PAK3: variants seen among roughly 807,000 people sequenced by gnomAD.
PAK3 encodes p21 (RAC1) activated kinase 3.
In PAK3, 4 loss-of-function variants were observed where a neutral mutation model predicts 41.0. The ratio of observed to expected loss-of-function variants is 0.10; its 90% CI spans 0.05 to 0.22. PAK3 has a LOEUF of 0.22. Among genes scored for constraint, PAK3 ranks in the 10% least tolerant of loss-of-function variants. The pLI is 1.00. For missense variants in PAK3, 205 were observed against 409.9 expected, an observed-to-expected ratio of 0.50 and a Z score of 4.32; for synonymous variants, 146 against 139.6, an observed-to-expected ratio of 1.05 and a Z score of -0.32.
At chrX:110,988,032 G>A (rs2091578653) in intron 1 of PAK3, among the ~76,000 whole-genome samples, 1 of 112,800 alleles carries the variant, frequency 8.9e-6, no homozygotes, top group Non-Finnish European at 1.9e-5. Context: ...CTGGTGTGGA[G>A]TATGCATTTG....
At chrX:110,983,090 C>A (rs1395940671) in intron 1 of PAK3, among the ~76,000 whole-genome samples, 1 of 111,535 alleles carries the variant, frequency 9.0e-6, no homozygotes, top group Non-Finnish European at 1.9e-5. Context: ...CTCTGGGCAC[C>A]ACACTCCTAG....
rs2094880678 is a variant in PAK3 at position 111,216,468 on chromosome X, T to C, written c.1455T>C (p.Pro485=). 4 of 1,181,080 alleles carry C rather than the reference T, an allele frequency of 3.4e-6. No homozygotes were observed. Among genetic ancestry groups the C allele is most frequent in the Non-Finnish European group, 3.5e-6 (3 of 867,286 alleles). Residue 485 remains proline, a synonymous_variant, in exon 17 of 18, where the codon CCT becomes CCC. Coordinates refer to ENST00000372007, the MANE Select transcript of PAK3 (RefSeq NM_002578.5). ...ATNGTPELQN[P]ERLSAVFRDF... ...ATGGAACTCCAGAGCTCCAGAATCC[T>C]GAGAGACTGTCAGCTGTATTCCGTG...
At chrX:110,947,455 G>C (rs1054748316) in intron 1 of PAK3, among the ~76,000 whole-genome samples, 1 of 111,438 alleles carries the variant, frequency 9.0e-6, no homozygotes, top group African/African-American at 3.3e-5. Flanking sequence ...CTAGTTACTA[G>C]ACAGTGTTTT....
At chrX:110,955,416 C>T (rs770614378) in intron 1 of PAK3, among the ~76,000 whole-genome samples, 9 of 112,021 alleles carry the variant, frequency 8.0e-5, no homozygotes, top group Non-Finnish European at 1.3e-4. Context: ...GCACCCATTT[C>T]CTGCAATATC....
chrX:111,020,114 C>T (rs1340900069), intron 1 of PAK3, among the ~76,000 whole-genome samples: 1 of 112,320 alleles, frequency 8.9e-6, no homozygotes, highest in African/African-American at 3.2e-5. Context: ...GATATTTACA[C>T]ATCCATGTTC....
chrX:111,013,049 C>A (rs763202072), intron 1 of PAK3, among the ~76,000 whole-genome samples: 4 of 112,527 alleles, frequency 3.6e-5, no homozygotes, highest in African/African-American at 1.3e-4. Context: ...GGATTACAGG[C>A]GTGAGCCACT....
intron 16 of PAK3, among the ~76,000 whole-genome samples, chrX:111,198,297 T>A (rs1425646755): frequency 8.9e-6 from 1 of 112,683 alleles, no homozygotes; most frequent in Non-Finnish European, 1.9e-5. Context: ...CTATTGATAG[T>A]TTCTTTTGCT....
intron 11 of PAK3, 80 bp downstream of exon 11, chrX:111,173,161 T>C (rs1000285791): frequency 1.9e-6 from 1 of 538,496 alleles, no homozygotes; most frequent in African/African-American, 2.3e-5. Flanking sequence ...AGAGCTTGGG[T>C]TTCTGGTAAA....
chrX:111,220,574 A>G lies in PAK3; in HGVS notation c.*127A>G, dbSNP rs754606769. 9.1e-5 allele frequency: 47 copies of G among 516,714 alleles called. No homozygotes were observed. The highest frequency in any genetic ancestry group is 1.5e-4 in the Non-Finnish European group (43 of 287,799). The allele number at this position is 516,714 out of a possible 1,213,427, so 42.6% of individuals were successfully genotyped here. On this transcript the variant is annotated 3_prime_UTR_variant, in exon 18 of 18. Transcript: ENST00000372007. Reference sequence around the variant, plus strand: ...TTCTTTACCTTTCAAATGAATAGAAACTTCTTATAAGCCTTTTTCCTACTC... The same window carrying G: ...TTCTTTACCTTTCAAATGAATAGAAGCTTCTTATAAGCCTTTTTCCTACTC...
chrX:111,023,123 T>C (rs1369906818), intron 1 of PAK3, among the ~76,000 whole-genome samples: 5 of 111,394 alleles, frequency 4.5e-5, no homozygotes, highest in African/African-American at 1.6e-4. Flanking sequence ...CTCCCACTTA[T>C]GAGTGAGAAC....
intron 6 of PAK3, among the ~76,000 whole-genome samples, chrX:111,142,736 A>C (rs2093889610): frequency 9.0e-6 from 1 of 111,263 alleles, no homozygotes; most frequent in African/African-American, 3.3e-5. Flanking sequence ...CTTATATTTC[A>C]AGAAGAAATA....
In PAK3 at chrX:110,979,723, G is replaced by T. The variant is rs1602631594; in HGVS notation, c.-28+35095G>T. Among the ~76,000 whole-genome samples the T allele has an allele frequency of 2.7e-5, 3 of 112,134 alleles. No homozygotes were observed. The South Asian group carries it at 1.1e-3, about 42-fold the overall frequency. ...GGTGGGAGCTTGATTACTGATTCAA[G>T]ACTTTTCCTCTTTTCTAATATATGC... On this transcript the variant is annotated intron_variant, in intron 1 of 14. Coordinates refer to the PAK3 transcript ENST00000425146.
intron 1 of PAK3, among the ~76,000 whole-genome samples, chrX:111,001,787 G>A (rs2091852427): frequency 9.0e-6 from 1 of 111,053 alleles, no homozygotes; most frequent in South Asian, 3.8e-4. Flanking sequence ...TTCCTCAGCT[G>A]GTAGCTTTGA....
chrX:110,994,655 A>G (rs769400027), intron 1 of PAK3, among the ~76,000 whole-genome samples: 1 of 111,752 alleles, frequency 8.9e-6, no homozygotes, highest in Non-Finnish European at 1.9e-5. Flanking sequence ...TCCCAGAACA[A>G]GGTAGGAGCC....
At chrX:111,131,769 C>G (rs774873915) in intron 5 of PAK3, among the ~76,000 whole-genome samples, 2 of 111,954 alleles carry the variant, frequency 1.8e-5, no homozygotes, top group South Asian at 7.4e-4. Flanking sequence ...TTAGAACATG[C>G]TTTGCAGAAA....
rs950884511 is a variant in PAK3, at chrX:111,192,240, C to T, written c.879+65C>T. Reference sequence around the variant, plus strand: ...ATTCATATTTAACAGTTATCTTCTTCGATGGCAACTTCGCCTAAAAAAAAA... The same window carrying T: ...ATTCATATTTAACAGTTATCTTCTTTGATGGCAACTTCGCCTAAAAAAAAA... On this transcript the variant is annotated intron_variant, in intron 12 of 17. Coordinates refer to ENST00000372007, the MANE Select transcript of PAK3 (RefSeq NM_002578.5). 3 of 726,472 alleles carry T rather than the reference C, an allele frequency of 4.1e-6. No individual in the cohort carries two copies. In the African/African-American group the frequency reaches 6.4e-5, roughly 15 times the overall value. 59.9% of individuals were successfully genotyped at this position (726,472 alleles called of 1,213,427 possible).
chrX:110,970,709 C>G (rs2091189593), intron 1 of PAK3, among the ~76,000 whole-genome samples: 1 of 111,706 alleles, frequency 9.0e-6, no homozygotes, highest in Admixed American at 9.5e-5. Context: ...CACATGTATA[C>G]TTATGTAAAA....
At chrX:111,072,474 G>A (rs2092753080) in intron 1 of PAK3, among the ~76,000 whole-genome samples, 1 of 112,385 alleles carries the variant, frequency 8.9e-6, no homozygotes, top group Non-Finnish European at 1.9e-5. Flanking sequence ...AAACTGTTTG[G>A]TCTTCAGAGC....
intron 1 of PAK3, among the ~76,000 whole-genome samples, chrX:110,963,444 T>G (rs775143292): frequency 9.0e-6 from 1 of 111,729 alleles, no homozygotes; most frequent in Admixed American, 9.5e-5. Flanking sequence ...AAGTGCACAC[T>G]CTTACCTATA....
Sources: gnomAD v4.1 joint callset for allele counts (sites outside exome capture counted in the v4.1 genomes callset) on GRCh38, gnomAD v4.1.1 for gene constraint, MANE v1.5 for transcripts, NCBI Gene and HGNC (gene_info 2026-07-23, HGNC 2026-07-21) for gene names.